ERP44: variants seen among roughly 807,000 people sequenced by gnomAD.
ERP44 encodes the protein endoplasmic reticulum resident protein 44.
In ERP44, 25 loss-of-function variants were observed where a neutral mutation model predicts 53.4. The observed-to-expected ratio is 0.47, with a 90% CI of 0.34 to 0.65. ERP44 has a LOEUF of 0.65. ERP44 is among the 30% of genes least tolerant of loss of function. The pLI, the probability that ERP44 is intolerant of heterozygous loss-of-function variation, is 0.01. For missense variants in ERP44, 338 were observed against 493.2 expected, an observed-to-expected ratio of 0.69 and a Z score of 2.98; for synonymous variants, 145 against 161.2, an observed-to-expected ratio of 0.90 and a Z score of 0.76.
Position 100,007,657 on chromosome 9 carries a change from TA to T in ERP44, c.794del (p.Ile265AsnfsTer5). 6.2e-7 allele frequency: 1 copy of T among 1,600,206 alleles called. No individual in the cohort carries two copies. The highest frequency in any genetic ancestry group is 8.6e-7 in the Non-Finnish European group (1 of 1,167,382). On this transcript the variant is annotated frameshift_variant, in exon 9 of 12. Coordinates refer to ENST00000262455, the MANE Select transcript of ERP44 (RefSeq NM_015051.3). LOFTEE classifies it high-confidence loss of function. ...CTGTATCTTCTTTCATGTGAAAGAG[TA>T]TGAGAAAAGGCAGTCCTTCTTCTGT... is the stretch of plus-strand genomic sequence containing the variant. ...ELTEEGLPFL[I>X]LFHMKEDTES...
chr9:100,034,729 A>C (rs757008430), intron 4 of ERP44, among the ~76,000 whole-genome samples: 1 of 152,222 alleles, frequency 6.6e-6, no homozygotes, highest in Non-Finnish European at 1.5e-5. Flanking sequence ...AAACTATTGT[A>C]AATTCATACA....
intron 4 of ERP44, among the ~76,000 whole-genome samples, chr9:100,043,875 C>T (rs1027616839): frequency 2.6e-5 from 4 of 152,088 alleles, no homozygotes; most frequent in Non-Finnish European, 5.9e-5. Context: ...TGTTGTTCTA[C>T]AGCACTGTAG....
intron 1 of ERP44, among the ~76,000 whole-genome samples, chr9:100,061,675 T>G (rs1376337542): frequency 1.3e-5 from 2 of 150,444 alleles, no homozygotes; most frequent in Admixed American, 6.6e-5. Context: ...TAACACTGTC[T>G]TATTTTTAAA....
intron 10 of ERP44, among the ~76,000 whole-genome samples, chr9:99,996,494 T>A (rs1778138112): frequency 1.3e-5 from 2 of 151,718 alleles, no homozygotes; most frequent in African/African-American, 4.9e-5. Context: ...CAGCCTCAGG[T>A]ATTCCTTTAT....
In ERP44 at chr9:100,032,351, A is replaced by G. The variant is rs571016970; in HGVS notation, c.287-10125T>C. Among the ~76,000 whole-genome samples the G allele has an allele frequency of 2.0e-5, 3 of 152,340 alleles. No homozygotes were observed. In the South Asian group the frequency reaches 6.2e-4, roughly 32 times the overall value. On this transcript the variant is annotated intron_variant, in intron 4 of 11. Transcript: ENST00000262455. ...TATATGTTGTGTGTAGTGTAAAAAA[A>G]GCATCTATTGGCTTAAAACTAATAA...
intron 1 of ERP44, among the ~76,000 whole-genome samples, chr9:100,082,171 C>G (rs907209596): frequency 6.6e-6 from 1 of 152,032 alleles, no homozygotes; most frequent in Non-Finnish European, 1.5e-5. Context: ...GAAATATACA[C>G]CACCTTCATG....
intron 4 of ERP44, among the ~76,000 whole-genome samples, chr9:100,037,961 T>A (rs1377197094): frequency 6.6e-6 from 1 of 152,100 alleles, no homozygotes; most frequent in Admixed American, 6.6e-5. Flanking sequence ...GGAAAAAGAC[T>A]TTTATCCCAG....
intron 10 of ERP44, among the ~76,000 whole-genome samples, chr9:100,005,474 T>C (rs1830417057): frequency 1.3e-5 from 2 of 152,268 alleles, no homozygotes; most frequent in African/African-American, 2.4e-5. Flanking sequence ...ATGGTATCTT[T>C]CTGAGCATAG....
At chr9:100,047,265 C>T (rs1825982060) in intron 4 of ERP44, among the ~76,000 whole-genome samples, 1 of 152,166 alleles carries the variant, frequency 6.6e-6, no homozygotes, top group Admixed American at 6.5e-5. Context: ...ACATTAAGAA[C>T]ATCTTCTCTT....
At chr9:100,045,020 C>G (rs1283096871) in intron 4 of ERP44, among the ~76,000 whole-genome samples, 3 of 152,126 alleles carry the variant, frequency 2.0e-5, no homozygotes, top group African/African-American at 7.2e-5. Context: ...CTGATAAAAG[C>G]TGTATCGTCC....
chr9:100,096,929 T>C (rs147568362), intron 1 of ERP44, among the ~76,000 whole-genome samples: 119 of 152,314 alleles, frequency 7.8e-4, no homozygotes, highest in African/African-American at 2.5e-3. Context: ...TTAGACAGGA[T>C]AGATGTTTTA....
intron 1 of ERP44, among the ~76,000 whole-genome samples, chr9:100,064,901 C>A (rs879218042): frequency 6.6e-6 from 1 of 152,086 alleles, no homozygotes. Flanking sequence ...AGCTATGTAA[C>A]GTGTTGGTAT....
chr9:100,053,917 T>G (rs1240296209), intron 3 of ERP44, among the ~76,000 whole-genome samples: 1 of 152,210 alleles, frequency 6.6e-6, no homozygotes, highest in Non-Finnish European at 1.5e-5. Flanking sequence ...CCACATGTAA[T>G]TAGTTCATAC....
At chr9:100,022,943 T>A (rs770466591) in intron 4 of ERP44, among the ~76,000 whole-genome samples, 2 of 152,184 alleles carry the variant, frequency 1.3e-5, no homozygotes, top group Non-Finnish European at 2.9e-5. Flanking sequence ...GTAGAAATCA[T>A]GATTACTAAA....
chr9:100,050,290 T>C (rs528068410), intron 4 of ERP44, among the ~76,000 whole-genome samples: 14 of 134,422 alleles, frequency 1.0e-4, no homozygotes, highest in Middle Eastern at 3.8e-3. Context: ...ACCTATAAAA[T>C]TATAAAATTT....
chr9:100,020,162 A>G (rs1830571896), intron 6 of ERP44, among the ~76,000 whole-genome samples: 1 of 152,170 alleles, frequency 6.6e-6, no homozygotes, highest in African/African-American at 2.4e-5. Flanking sequence ...ATCAGTGAAG[A>G]GGTTAGCCTT....
intron 10 of ERP44, among the ~76,000 whole-genome samples, chr9:100,000,610 T>C (rs1454336891): frequency 6.6e-6 from 1 of 152,134 alleles, no homozygotes; most frequent in Non-Finnish European, 1.5e-5. Context: ...TGATTCCACC[T>C]TGGTAGATTG....
At chr9:100,008,079 T>C (rs902161691) in intron 8 of ERP44, among the ~76,000 whole-genome samples, 1 of 152,216 alleles carries the variant, frequency 6.6e-6, no homozygotes, top group Admixed American at 6.5e-5. Context: ...GTATTTTCAG[T>C]CTTCACAAGT....
At chr9:100,077,365 T>C (rs1266313942) in intron 1 of ERP44, among the ~76,000 whole-genome samples, 1 of 152,218 alleles carries the variant, frequency 6.6e-6, no homozygotes, top group Non-Finnish European at 1.5e-5. Context: ...GACAGAACGA[T>C]GGAATCGCCT....
Sources: allele counts gnomAD v4.1 joint callset (sites outside exome capture counted in the v4.1 genomes callset), GRCh38; gene constraint gnomAD v4.1.1; transcripts MANE v1.5; gene names NCBI Gene and HGNC (gene_info 2026-07-23, HGNC 2026-07-21).